Variants in GP2 observed in about 807,000 individuals in gnomAD.
GP2 encodes glycoprotein 2, also known as pancreatic secretory granule membrane major glycoprotein GP2.
Under a neutral mutation model 60.8 loss-of-function variants are expected in GP2, and 58 were observed. That is an observed-to-expected ratio of 0.95 (90% CI 0.77 to 1.19). The LOEUF (loss-of-function observed/expected upper bound fraction) is 1.19, where lower values mean the gene tolerates loss of function less well. Ranked by LOEUF, GP2 falls within the 50% of genes most tolerant of loss-of-function variation. GP2 has a pLI of 0.00. For synonymous variants in GP2, 280 were observed against 253.4 expected, an observed-to-expected ratio of 1.10 and a Z score of -1.00; for missense variants, 647 against 667.4, an observed-to-expected ratio of 0.97 and a Z score of 0.34.
At chr16:20,322,070 C>T (rs967360414) in intron 4 of GP2, among the ~76,000 whole-genome samples, 4 of 152,226 alleles carry the variant, frequency 2.6e-5, no homozygotes, top group Non-Finnish European at 5.9e-5. Flanking sequence ...CAGGGTGCTT[C>T]TGCTGGGCAC....
At chr16:20,319,857 T>G in intron 5 of GP2, 89 bp from the exon 6 acceptor site, 1 of 1,087,126 alleles carries the variant, frequency 9.2e-7, no homozygotes, top group South Asian at 1.4e-5. Flanking sequence ...CAGAGTCAAT[T>G]TGCTTAACCA....
intron 7 of GP2, 150 bp downstream of exon 7, chr16:20,318,035 T>C: frequency 1.5e-6 from 1 of 672,528 alleles, no homozygotes; most frequent in Admixed American, 2.3e-5. Context: ...ATTAATATTT[T>C]AGGCTAAAAT....
At position 20,310,981 on chromosome 16, in the gene GP2, T is replaced by G. The variant is rs1269285162; in HGVS notation, c.*242A>C. ...CATTTTGGCCAGGCTGATTTTGAACTGCTGACCTCAGGTGATCCACCTGCC... is the reference window on the plus strand; with the variant it reads ...CATTTTGGCCAGGCTGATTTTGAACGGCTGACCTCAGGTGATCCACCTGCC... On this transcript the variant is annotated 3_prime_UTR_variant, in exon 11 of 11. Coordinates refer to ENST00000302555, the MANE Select transcript of GP2 (RefSeq NM_001502.4). 3.2e-6 allele frequency: 1 copy of G among 316,268 alleles called. No homozygotes were observed. Among genetic ancestry groups the G allele is most frequent in the Admixed American group, 4.4e-5 (1 of 22,552 alleles). The allele number at this position is 316,268 out of a possible 1,614,324, so 19.6% of individuals were successfully genotyped here. A position where few individuals can be genotyped will look rare whatever the true frequency, so the allele number is the denominator to read the frequency against.
chr16:20,318,333 C>T lies in GP2; in HGVS notation c.1105G>A (p.Val369Ile). The T allele has an allele frequency of 6.2e-7, 1 of 1,613,730 alleles. No homozygotes were observed. The highest frequency in any genetic ancestry group is 8.5e-7 in the Non-Finnish European group (1 of 1,179,598). ...NYTNPYEGDA[V>I]ELSVESVLYV... ...AGCACGGACTCAACAGACAGTTCAA[C>T]TGCATCCCCTTCGTAAGGATTCGTG... Residue 369 changes from valine to isoleucine, a missense_variant, in exon 7 of 11, where the codon GTT (valine) becomes ATT (isoleucine). By Grantham distance (29) the Val-to-Ile change is conservative (BLOSUM62 3). Coordinates refer to ENST00000302555, the MANE Select transcript of GP2 (RefSeq NM_001502.4).
In GP2 at chr16:20,318,269, C is replaced by A. The variant is rs145287300; in HGVS notation, c.1169G>T (p.Arg390Leu). The A allele has an allele frequency of 1.2e-6, 2 of 1,612,748 alleles. No homozygotes were observed. The highest frequency in any genetic ancestry group is 1.7e-5 in the Admixed American group (1 of 60,002). The change falls in exon 7 of 11, where the codon CGG becomes CTG. Residue 390 changes from arginine to leucine, a missense_variant. Physicochemically the swap from Arg to Leu is moderately radical, Grantham distance 102 (BLOSUM62 -2). Coordinates refer to ENST00000302555, the MANE Select transcript of GP2 (RefSeq NM_001502.4). ...GCAGTTCCTCAACACCAGGTTAAAC[C>A]GGGAGGTGTCCCCTTGTTCCAAGAT... ...GAILEQGDTS[R>L]FNLVLRNCYA...
chr16:20,318,549 GTCAA>G lies in GP2; in HGVS notation c.1008-123_1008-120del. The G allele has an allele frequency of 5.9e-6, 5 of 847,110 alleles. No individual in the cohort carries two copies. The South Asian group carries it at 6.5e-5, about 11-fold the overall frequency. The allele number at this position is 847,110 out of a possible 1,614,324, so 52.5% of individuals were successfully genotyped here. On this transcript the variant is annotated intron_variant, in intron 6 of 10. Transcript: ENST00000302555. ...ACATCTTGGATCCTTAAGTGAACTA[GTCAA>G]TCAGTCGTTTAAACTGAGCATTTAT...
intron 8 of GP2, among the ~76,000 whole-genome samples, chr16:20,316,868 ACTCCTGTATTCCTTTCTCCATCC>A (rs1226421597): frequency 2.3e-5 from 3 of 127,882 alleles, no homozygotes; most frequent in Non-Finnish European, 5.0e-5. Flanking sequence ...CTCCTCCATC[ACTCCTGTATTCCTTTCTCCATCC>A]CTCCTGTATT....
intron 1 of GP2, 69 bp downstream of exon 1, chr16:20,327,398 A>G: frequency 8.9e-7 from 1 of 1,117,408 alleles, no homozygotes; most frequent in African/African-American, 1.6e-5. Flanking sequence ...AAAGAATCCT[A>G]GCATGTCCAG....
chr16:20,326,486 C>G lies in GP2; in HGVS notation c.-36-19G>C. ...CATGCAGCTATGGGAAAGAAAAGAC[C>G]AAGATAAGATTAGGGCATAGGTCTA... On this transcript the variant is annotated intron_variant, in intron 1 of 10. Coordinates refer to ENST00000302555, the MANE Select transcript of GP2 (RefSeq NM_001502.4). 1 of 1,602,110 alleles carries G rather than the reference C, an allele frequency of 6.2e-7. No homozygotes were observed. Among genetic ancestry groups the G allele is most frequent in the Non-Finnish European group, 8.5e-7 (1 of 1,171,860 alleles).
At chr16:20,317,920 A>G (rs140140058) in intron 7 of GP2, among the ~76,000 whole-genome samples, 1 of 152,302 alleles carries the variant, frequency 6.6e-6, no homozygotes, top group Non-Finnish European at 1.5e-5. Flanking sequence ...ATCCATCACT[A>G]CCAAATTGAT....
At chr16:20,318,490 CACTT>C (rs1250650316) in intron 6 of GP2, 60 bp from the exon 7 acceptor site, 13 of 1,528,422 alleles carry the variant, frequency 8.5e-6, no homozygotes, top group Middle Eastern at 1.8e-4. Flanking sequence ...TCAAGCCCTG[CACTT>C]ACTTAACACA....
intron 3 of GP2, 81 bp downstream of exon 3, chr16:20,323,735 G>C: frequency 1.1e-6 from 1 of 913,364 alleles, no homozygotes; most frequent in Non-Finnish European, 1.7e-6. Context: ...GTCTCCTCTT[G>C]ACTTGCTCCA....
At position 20,312,599 on chromosome 16, in the gene GP2, G is replaced by A. The variant is rs146346113; in HGVS notation, c.1547-1318C>T. Among the ~76,000 whole-genome samples the A allele has an allele frequency of 8.3e-4, 126 of 151,464 alleles. 3 individuals carry two copies. The East Asian group carries it at 0.024, about 28-fold the overall frequency. ...GAAACCACACTGTTCCAGGCACTGGGCTAACCAGAAGGACTGGCAGAAAGG... is the reference window on the plus strand; with the variant it reads ...GAAACCACACTGTTCCAGGCACTGGACTAACCAGAAGGACTGGCAGAAAGG... On this transcript the variant is annotated intron_variant, in intron 10 of 10. Coordinates refer to ENST00000302555, the MANE Select transcript of GP2 (RefSeq NM_001502.4).
At position 20,322,919 on chromosome 16, in the gene GP2, G is replaced by A. The variant is rs559657792; in HGVS notation, c.596C>T (p.Ala199Val). The change falls in exon 4 of 11, where the codon GCC (alanine) becomes GTC (valine). Residue 199 changes from alanine (A) to valine (V), a missense_variant. Physicochemically the swap from Ala to Val is moderately conservative, Grantham distance 64 (BLOSUM62 0). Coordinates refer to ENST00000302555, the MANE Select transcript of GP2 (RefSeq NM_001502.4). ...KACRPEEECLALNSTWGCFCR... is the reference protein window; with the variant it reads ...KACRPEEECLVLNSTWGCFCR... ...GAAACAGCCCCAGGTGCTGTTGAGG[G>A]CAAGGCACTCCTCCTCGGGGCGGCA... is the stretch of plus-strand genomic sequence containing the variant. 3.7e-6 allele frequency: 6 copies of A among 1,613,154 alleles called. No individual in the cohort carries two copies. Among genetic ancestry groups the A allele is most frequent in the Non-Finnish European group, 5.1e-6 (6 of 1,179,144 alleles).
chr16:20,318,321 C>A lies in GP2; in HGVS notation c.1117G>T (p.Val373Phe), dbSNP rs1473344179. The A allele has an allele frequency of 6.2e-7, 1 of 1,613,968 alleles. No homozygotes were observed. Among genetic ancestry groups the A allele is most frequent in the Admixed American group, 1.7e-5 (1 of 60,036 alleles). The change falls in exon 7 of 11, where the codon GTT becomes TTT. Residue 373 changes from valine to phenylalanine, a missense_variant. Transcript: ENST00000302555. The part of the protein sequence containing the change: ...PYEGDAVELS[V>F]ESVLYVGAIL... ...GCACCCACATACAGCACGGACTCAA[C>A]AGACAGTTCAACTGCATCCCCTTCG... is the stretch of plus-strand genomic sequence containing the variant.
At position 20,315,542 on chromosome 16, in the gene GP2, A is replaced by T. The variant is rs138382015; in HGVS notation, c.1501+414T>A. On this transcript the variant is annotated intron_variant, in intron 9 of 10. Transcript: ENST00000302555. ...ATTTAGGACTTACGCCTCACCCATA[A>T]GGAACTGAATTATGGGGACCTGGAA... Among the ~76,000 whole-genome samples, 27 of 152,350 alleles carry T rather than the reference A, an allele frequency of 1.8e-4. 1 individual carries two copies. The East Asian group carries it at 3.9e-3, about 22-fold the overall frequency.
chr16:20,315,442 A>G (rs1964134988), intron 9 of GP2, among the ~76,000 whole-genome samples: 1 of 152,206 alleles, frequency 6.6e-6, no homozygotes, highest in South Asian at 2.1e-4. Flanking sequence ...CCTCCCCTAT[A>G]TTATACTCCA....
intron 2 of GP2, among the ~76,000 whole-genome samples, chr16:20,324,553 C>T (rs888999379): frequency 3.3e-5 from 5 of 152,092 alleles, no homozygotes; most frequent in African/African-American, 1.2e-4. Context: ...CCTTGTTTGA[C>T]CAATATTTGT....
intron 7 of GP2, among the ~76,000 whole-genome samples, chr16:20,317,626 T>C (rs4780878): frequency 0.077 from 11,687 of 152,222 alleles, 1,606 homozygotes; most frequent in East Asian, 0.68. Flanking sequence ...TACTCATCCT[T>C]ACTGAACCTT....
Sources: gnomAD v4.1 joint callset for allele counts (sites outside exome capture counted in the v4.1 genomes callset) on GRCh38, gnomAD v4.1.1 for gene constraint, MANE v1.5 for transcripts, NCBI Gene and HGNC (gene_info 2026-07-23, HGNC 2026-07-21) for gene names.